Variants in FGF1 observed in about 807,000 individuals in gnomAD.
FGF1 encodes fibroblast growth factor 1.
Under a neutral mutation model 13.4 loss-of-function variants are expected in FGF1, and 9 were observed. That is an observed-to-expected ratio of 0.67 (90% CI 0.40 to 1.17). FGF1 has a LOEUF of 1.17. Among genes scored for constraint, FGF1 ranks in the 50% most tolerant of loss-of-function variants. The pLI, the probability that FGF1 is intolerant of heterozygous loss-of-function variation, is 0.01. For synonymous variants in FGF1, 93 were observed against 79.0 expected (o/e 1.18, Z -0.94); for missense variants, 156 against 192.7 (o/e 0.81, Z 1.13).
intron 1 of FGF1, among the ~76,000 whole-genome samples, chr5:142,623,296 G>A (rs1429165829): frequency 6.6e-6 from 1 of 151,684 alleles, no homozygotes; most frequent in East Asian, 1.9e-4. Flanking sequence ...GAACTTGTAA[G>A]CATTCGATAG....
chr5:142,633,684 T>C (rs536377926), intron 1 of FGF1, among the ~76,000 whole-genome samples: 1 of 152,330 alleles, frequency 6.6e-6, no homozygotes, highest in East Asian at 1.9e-4. Flanking sequence ...CACTGCAGCA[T>C]TGGCTGAAAG....
chr5:142,667,756 C>T (rs945515084), intron 1 of FGF1, among the ~76,000 whole-genome samples: 4 of 152,140 alleles, frequency 2.6e-5, no homozygotes, highest in African/African-American at 7.2e-5. Context: ...CTGAAAATTC[C>T]GAACTCTGGA....
chr5:142,608,542 C>CTATATATA (rs369107817), intron 2 of FGF1, among the ~76,000 whole-genome samples: 30 of 76,016 alleles, frequency 3.9e-4, no homozygotes, highest in Non-Finnish European at 6.0e-4. Flanking sequence ...ATATACACAT[C>CTATATATA]TATATATATA....
upstream of FGF1, among the ~76,000 whole-genome samples, chr5:142,688,257 T>G (rs923665350): frequency 6.6e-6 from 1 of 152,236 alleles, no homozygotes; most frequent in Non-Finnish European, 1.5e-5. Context: ...CCCGCCAATG[T>G]GGAAATTTTT....
chr5:142,670,955 G>C (rs1561723795), intron 1 of FGF1, among the ~76,000 whole-genome samples: 1 of 152,208 alleles, frequency 6.6e-6, no homozygotes, highest in African/African-American at 2.4e-5. Context: ...TTTATCACAT[G>C]TGCTGCCTAT....
At chr5:142,668,360 G>A (rs1431355714) in intron 1 of FGF1, among the ~76,000 whole-genome samples, 1 of 152,188 alleles carries the variant, frequency 6.6e-6, no homozygotes, top group East Asian at 1.9e-4. Flanking sequence ...AAAGGTGTAG[G>A]AGAAAATGTG....
At chr5:142,689,583 A>T (rs949557245), upstream of FGF1, among the ~76,000 whole-genome samples, 1 of 152,048 alleles carries the variant, frequency 6.6e-6, no homozygotes, top group Non-Finnish European at 1.5e-5. Flanking sequence ...CTGATTCTTC[A>T]GCAACTTCAG....
chr5:142,654,974 G>A (rs905342539), intron 1 of FGF1, among the ~76,000 whole-genome samples: 12 of 152,200 alleles, frequency 7.9e-5, no homozygotes, highest in Non-Finnish European at 1.0e-4. Context: ...AAACAGGGCC[G>A]GGCCTCAGCT....
At chr5:142,645,522 C>T (rs1465535182) in intron 1 of FGF1, among the ~76,000 whole-genome samples, 3 of 152,150 alleles carry the variant, frequency 2.0e-5, no homozygotes, top group Non-Finnish European at 4.4e-5. Flanking sequence ...CAAGCAAGCC[C>T]TCTAACCTCT....
At chr5:142,614,303 G>A (rs1759737451) in intron 1 of FGF1, 142 bp from the exon 2 acceptor site, 2 of 647,588 alleles carry the variant, frequency 3.1e-6, no homozygotes, top group East Asian at 2.8e-5. Context: ...CCCGCAGTCC[G>A]CGGGCCTGTG....
At chr5:142,634,769 A>T (rs530044372) in intron 1 of FGF1, among the ~76,000 whole-genome samples, 3 of 152,322 alleles carry the variant, frequency 2.0e-5, no homozygotes, top group South Asian at 4.1e-4. Flanking sequence ...CCTGGCTCCT[A>T]CACTTTTGTG....
Position 142,595,520 on chromosome 5 carries a change from A to C in FGF1, c.274-36T>G, listed in dbSNP as rs929503555. 7 of 1,572,816 alleles carry C rather than the reference A, an allele frequency of 4.5e-6. No homozygotes were observed. In the Admixed American group the frequency reaches 1.2e-4, roughly 28 times the overall value. On this transcript the variant is annotated intron_variant, in intron 3 of 3. Transcript: ENST00000337706. ...AAAACCAAAAGAGAGTAGGACAATC[A>C]GTGAGTAGTTTCACATGGGGGTCCC... is the stretch of plus-strand genomic sequence containing the variant.
chr5:142,684,951 T>A lies in FGF1; in HGVS notation c.-35+1006A>T, dbSNP rs569880946. On this transcript the variant is annotated intron_variant, in intron 1 of 3. Transcript: ENST00000337706. ...AAAGGAGGGAGGCAAGCGGGGGTGG[T>A]GGGGTGGTGGGTGGATGTAACATAG... 2.0e-4 allele frequency among the ~76,000 whole-genome samples: 22 copies of A among 109,196 alleles called. No individual in the cohort carries two copies. The South Asian group carries it at 6.2e-3, about 31-fold the overall frequency. 71.6% of individuals were successfully genotyped at this position (109,196 alleles called of 152,430 possible).
rs189709901 is a variant in FGF1, at chr5:142,630,212, G to A, written c.-34-16051C>T. Among the ~76,000 whole-genome samples the A allele has an allele frequency of 1.1e-3, 171 of 152,154 alleles. 1 individual carries two copies. Among genetic ancestry groups the A allele is most frequent in the African/African-American group, 4.0e-3 (165 of 41,532 alleles). On this transcript the variant is annotated intron_variant, in intron 1 of 3. Transcript: ENST00000337706. ...TGGCTTAAAATATGATTTATCTTGA[G>A]TGCTTGAGTACATTTTTACCCAAAG...
chr5:142,615,608 C>A (rs1235444425), intron 1 of FGF1, among the ~76,000 whole-genome samples: 2 of 152,082 alleles, frequency 1.3e-5, no homozygotes, highest in Non-Finnish European at 2.9e-5. Context: ...AAAATCATCA[C>A]CCTCATCATT....
chr5:142,666,914 T>C (rs1770482444), intron 1 of FGF1, among the ~76,000 whole-genome samples: 1 of 147,044 alleles, frequency 6.8e-6, no homozygotes, highest in African/African-American at 2.5e-5. Flanking sequence ...TGAGGCCTTG[T>C]CTCAAAAAAC....
At chr5:142,680,764 G>C (rs1017844657) in intron 1 of FGF1, 3 of 152,184 alleles carry the variant, frequency 2.0e-5, no homozygotes, top group Non-Finnish European at 2.9e-5. Flanking sequence ...CCATGACTGA[G>C]TCCACACAAC....
In FGF1 at chr5:142,610,836, G is replaced by T. The variant is rs151268020; in HGVS notation, c.169+3123C>A. 2.8e-3 allele frequency among the ~76,000 whole-genome samples: 426 copies of T among 152,256 alleles called. 3 individuals carry two copies. The highest frequency in any genetic ancestry group is 9.8e-3 in the African/African-American group (407 of 41,534). Reference sequence around the variant, plus strand: ...CCCACACACAAGCATCTGCCCTAGGGTTATACCACTATAAGGAAGGTTAGG... The same window carrying T: ...CCCACACACAAGCATCTGCCCTAGGTTTATACCACTATAAGGAAGGTTAGG... On this transcript the variant is annotated intron_variant, in intron 2 of 3. Coordinates refer to ENST00000337706, the MANE Select transcript of FGF1 (RefSeq NM_000800.5).
In FGF1 at chr5:142,639,460, A is replaced by G. The variant is rs566280574; in HGVS notation, c.-34-25299T>C. On this transcript the variant is annotated intron_variant, in intron 1 of 3. Coordinates refer to ENST00000337706, the MANE Select transcript of FGF1 (RefSeq NM_000800.5). Reference sequence around the variant, plus strand: ...GAGGACATTATGCTAAGTGAAATAAACCAGACACAGAAAGACAAATACCAC... The same window carrying G: ...GAGGACATTATGCTAAGTGAAATAAGCCAGACACAGAAAGACAAATACCAC... Among the ~76,000 whole-genome samples, 3 of 152,136 alleles carry G rather than the reference A, an allele frequency of 2.0e-5. No individual in the cohort carries two copies. The East Asian group carries it at 5.8e-4, about 29-fold the overall frequency.
Sources: gnomAD v4.1 joint callset for allele counts (sites outside exome capture counted in the v4.1 genomes callset) on GRCh38, gnomAD v4.1.1 for gene constraint, MANE v1.5 for transcripts, NCBI Gene and HGNC (gene_info 2026-07-23, HGNC 2026-07-21) for gene names.